Variants in ADAMTSL2 observed in about 807,000 individuals in gnomAD.
The protein encoded by ADAMTSL2 is ADAMTS-like protein 2.
In ADAMTSL2, 55 loss-of-function variants were observed where a neutral mutation model predicts 117.0. The ratio of observed to expected loss-of-function variants is 0.47; its 90% confidence interval spans 0.38 to 0.59. ADAMTSL2 has a LOEUF of 0.59. Ranked by LOEUF, ADAMTSL2 falls within the 20% of genes least tolerant of loss-of-function variation. The pLI, the probability that ADAMTSL2 is intolerant of heterozygous loss-of-function variation, is 0.00. For synonymous variants in ADAMTSL2, 572 were observed against 566.4 expected (o/e 1.01, Z -0.14); for missense variants, 1,182 against 1,354.5 (o/e 0.87, Z 2.00).
intron 8 of ADAMTSL2, among the ~76,000 whole-genome samples, chr9:133,545,527 G>T (rs1251651328): frequency 2.0e-5 from 3 of 152,206 alleles, no homozygotes; most frequent in Admixed American, 1.3e-4. Flanking sequence ...GAGTGCCCCT[G>T]CCCCAGCAGG....
In ADAMTSL2 at chr9:133,558,509, C is replaced by T. The variant is rs1287876790; in HGVS notation, c.1649+2579C>T. ...GGAACAAGCTTCTGAGACACAGAGA[C>T]GCGGAGTCCCTCTCCGCAGCCTTGG... is the stretch of plus-strand genomic sequence containing the variant. On this transcript the variant is annotated intron_variant, in intron 11 of 18. Coordinates refer to ENST00000651351, the MANE Select transcript of ADAMTSL2 (RefSeq NM_014694.4). The surrounding 1 kb of genome is among the most constrained non-coding windows in gnomAD (Gnocchi z 4.3). 2.0e-5 allele frequency among the ~76,000 whole-genome samples: 3 copies of T among 152,218 alleles called. No individual in the cohort carries two copies. Among genetic ancestry groups the T allele is most frequent in the South Asian group, 2.1e-4 (1 of 4,836 alleles).
chr9:133,545,718 G>A (rs1344674022), intron 8 of ADAMTSL2, among the ~76,000 whole-genome samples: 1 of 152,172 alleles, frequency 6.6e-6, no homozygotes, highest in Non-Finnish European at 1.5e-5. Context: ...TGAAACAGAC[G>A]CGTAGAAATA....
rs1338486070 is a variant in ADAMTSL2 at position 133,534,717 on chromosome 9, C to T, written c.-351C>T. 5 of 1,377,950 alleles carry T rather than the reference C, an allele frequency of 3.6e-6. No homozygotes were observed. Among genetic ancestry groups the T allele is most frequent in the South Asian group, 1.7e-5 (1 of 59,884 alleles). The allele number at this position is 1,377,950 out of a possible 1,614,324, so 85.4% of individuals were successfully genotyped here. On this transcript the variant is annotated 5_prime_UTR_variant, in exon 1 of 19. Transcript: ENST00000651351. ...CGCAGAGCCGCCACTGGGCTGCGCC[C>T]CTCCCGGGAACCCCCTCTCTTGGAT...
At position 133,568,393 on chromosome 9, in the gene ADAMTSL2, G is replaced by A. The variant is rs1347187820; in HGVS notation, c.1995G>A (p.Leu665=). The A allele has an allele frequency of 9.3e-6, 15 of 1,607,316 alleles. No homozygotes were observed. The East Asian group carries it at 2.7e-4, about 29-fold the overall frequency. Residue 665 remains leucine, a synonymous_variant, in exon 14 of 19, where the codon CTG becomes CTA. Coordinates refer to ENST00000651351, the MANE Select transcript of ADAMTSL2 (RefSeq NM_014694.4). ...PGFDSSVYSD[L]CEAAEAVRPE... is the part of the protein sequence containing the mutation. ...TCGACAGCTCCGTGTACAGCGACCT[G>A]TGCGAGGCAGCCGAGGCCGTGCGGC...
intron 12 of ADAMTSL2, among the ~76,000 whole-genome samples, chr9:133,564,599 A>G (rs1214581883): frequency 1.8e-4 from 8 of 45,150 alleles, no homozygotes; most frequent in African/African-American, 7.2e-4. Flanking sequence ...AGAGAGGGGG[A>G]GAGAGAGGGA....
chr9:133,556,012 C>G, intron 11 of ADAMTSL2, 82 bp downstream of exon 11: 2 of 1,537,360 alleles, frequency 1.3e-6, no homozygotes, highest in Non-Finnish European at 1.8e-6. Context: ...TGAGGCCCCA[C>G]TGGGGGGGTC....
chr9:133,575,121 A>G lies in ADAMTSL2; in HGVS notation c.*257A>G. 1 of 530,022 alleles carries G rather than the reference A, an allele frequency of 1.9e-6. No homozygotes were observed. Among genetic ancestry groups the G allele is most frequent in the Non-Finnish European group, 3.4e-6 (1 of 291,990 alleles). The allele number at this position is 530,022 out of a possible 1,614,324, so 32.8% of individuals were successfully genotyped here. A position where few individuals can be genotyped will look rare whatever the true frequency, so the allele number is the denominator to read the frequency against. ...GGAACCTGTCCGTGTTCCTGCGTGG[A>G]TCCTGTGTTTGTGGCTCCCACTCCC... On this transcript the variant is annotated 3_prime_UTR_variant, in exon 19 of 19. Coordinates refer to ENST00000651351, the MANE Select transcript of ADAMTSL2 (RefSeq NM_014694.4).
chr9:133,551,813 T>C (rs1053233298), intron 9 of ADAMTSL2, among the ~76,000 whole-genome samples: 43 of 9,584 alleles, frequency 4.5e-3, no homozygotes, highest in Non-Finnish European at 0.013. Context: ...AAGCAGCAGC[T>C]TTTTTTTTTT....
upstream of ADAMTSL2, chr9:133,534,527 C>A: frequency 1.5e-6 from 1 of 673,286 alleles, no homozygotes; most frequent in Non-Finnish European, 2.1e-6. Context: ...GGGCCGCCGC[C>A]GCCGGCAGCA....
chr9:133,561,323 C>T (rs1037236970), intron 12 of ADAMTSL2, 28 bp downstream of exon 12: 22 of 1,550,700 alleles, frequency 1.4e-5, no homozygotes, highest in African/African-American at 2.7e-5. Context: ...CAAGGGGCAG[C>T]AACTGCCCTG....
intron 12 of ADAMTSL2, among the ~76,000 whole-genome samples, chr9:133,561,513 TC>T (rs774057255): frequency 0.13 from 19,256 of 152,198 alleles, 1,568 homozygotes; most frequent in Middle Eastern, 0.2. Flanking sequence ...CATGGTCAGG[TC>T]CAGGCCCCTG....
At chr9:133,553,247 C>G (rs1171100260) in intron 9 of ADAMTSL2, among the ~76,000 whole-genome samples, 1 of 152,128 alleles carries the variant, frequency 6.6e-6, no homozygotes, top group Non-Finnish European at 1.5e-5. Flanking sequence ...CCCCACACCC[C>G]GAGTCTCAAG....
chr9:133,539,889 G>A lies in ADAMTSL2; in HGVS notation c.412+16G>A, dbSNP rs560338266. 149 of 1,550,300 alleles carry A rather than the reference G, an allele frequency of 9.6e-5. 1 individual carries two copies. In the Middle Eastern group the frequency reaches 1.3e-3, roughly 14 times the overall value. On this transcript the variant is annotated intron_variant, in intron 5 of 18. Transcript: ENST00000651351. ...CTGTACCCGGGTACCTGCCGCCCTGGGGACCCACCTTGCAGGGAGCTGACT... is the reference window on the plus strand; with the variant it reads ...CTGTACCCGGGTACCTGCCGCCCTGAGGACCCACCTTGCAGGGAGCTGACT...
At chr9:133,538,657 C>G (rs373566000) in intron 4 of ADAMTSL2, among the ~76,000 whole-genome samples, 1 of 152,034 alleles carries the variant, frequency 6.6e-6, no homozygotes, top group Non-Finnish European at 1.5e-5. Context: ...AATGCTGGGA[C>G]GGGCGGACTC....
chr9:133,554,837 AGGCACAG>A lies in ADAMTSL2; in HGVS notation c.1276+147_1276+153del, dbSNP rs1318654048. 8.2e-6 allele frequency: 6 copies of A among 730,306 alleles called. No individual in the cohort carries two copies. Among genetic ancestry groups the A allele is most frequent in the Non-Finnish European group, 1.3e-5 (6 of 457,316 alleles). 45.2% of individuals were successfully genotyped at this position (730,306 alleles called of 1,614,324 possible). A position where few individuals can be genotyped will look rare whatever the true frequency, so the allele number is the denominator to read the frequency against. ...AGCTACCTGCAGATGTCCTCTGGGC[AGGCACAG>A]GGTTGAGGACTTGGGATAGGTCCTT... On this transcript the variant is annotated intron_variant, in intron 10 of 18. Transcript: ENST00000651351. The surrounding 1 kb of genome is among the most constrained non-coding windows in gnomAD (Gnocchi z 5.2).
intron 17 of ADAMTSL2, among the ~76,000 whole-genome samples, chr9:133,572,782 G>GC (rs1225671752): frequency 6.6e-6 from 1 of 152,176 alleles, no homozygotes; most frequent in Admixed American, 6.5e-5. Context: ...CCTGGTGGCT[G>GC]CCCCCCGATG....
intron 17 of ADAMTSL2, among the ~76,000 whole-genome samples, chr9:133,571,983 G>T (rs1349293955): frequency 6.6e-6 from 1 of 152,196 alleles, no homozygotes; most frequent in Non-Finnish European, 1.5e-5. Context: ...CCAAGTCTTG[G>T]TTGCTGTGGC....
At chr9:133,536,533 C>A in intron 1 of ADAMTSL2, 30 bp from the exon 2 acceptor site, 5 of 1,533,038 alleles carry the variant, frequency 3.3e-6, no homozygotes, top group Non-Finnish European at 4.4e-6. Context: ...TAAGCCTAGA[C>A]TGAGGCGGGG....
chr9:133,534,289 C>G (rs1408090807), upstream of ADAMTSL2: 1 of 156,750 alleles, frequency 6.4e-6, no homozygotes, highest in Non-Finnish European at 1.4e-5. Flanking sequence ...GCCTTTCCCT[C>G]CGTACAACGG....
Sources: allele counts gnomAD v4.1 joint callset (sites outside exome capture counted in the v4.1 genomes callset), GRCh38; gene constraint gnomAD v4.1.1; non-coding constraint Gnocchi (gnomAD v3.1); transcripts MANE v1.5; gene names NCBI Gene and HGNC (gene_info 2026-07-23, HGNC 2026-07-21).